CYP39A1: variants seen among roughly 807,000 people sequenced by gnomAD.
The protein encoded by CYP39A1 is cytochrome P450 family 39 subfamily A member 1, also known as 24-hydroxycholesterol 7-alpha-hydroxylase.
A neutral mutation model predicts 58.1 loss-of-function variants in CYP39A1; 49 were observed. The ratio of observed to expected loss-of-function variants is 0.84; its 90% CI spans 0.67 to 1.07. The LOEUF (loss-of-function observed/expected upper bound fraction) is 1.07. Among genes scored for constraint, CYP39A1 ranks in the 50% least tolerant of loss-of-function variants. The pLI is 0.00. For missense variants in CYP39A1, 531 were observed against 539.4 expected, an observed-to-expected ratio of 0.98 and a Z score of 0.16; for synonymous variants, 209 against 187.6, an observed-to-expected ratio of 1.11 and a Z score of -0.93.
chr6:46,586,767 A>C (rs1772492520), intron 10 of CYP39A1, among the ~76,000 whole-genome samples: 1 of 152,080 alleles, frequency 6.6e-6, no homozygotes, highest in South Asian at 2.1e-4. Flanking sequence ...GTTTTTAAAG[A>C]AGGTAGCACT....
intron 1 of CYP39A1, among the ~76,000 whole-genome samples, chr6:46,647,729 T>C (rs1403955567): frequency 1.3e-5 from 2 of 152,236 alleles, no homozygotes; most frequent in African/African-American, 4.8e-5. Flanking sequence ...ATGTTTCCAG[T>C]GATGATGAGC....
intron 10 of CYP39A1, among the ~76,000 whole-genome samples, chr6:46,565,227 G>GA (rs112211578): frequency 2.7e-4 from 41 of 150,558 alleles, no homozygotes; most frequent in Non-Finnish European, 4.3e-4. Flanking sequence ...GGAAAATGAT[G>GA]AAAAAAAAAT....
At chr6:46,576,739 A>C (rs1771868838) in intron 10 of CYP39A1, among the ~76,000 whole-genome samples, 1 of 152,228 alleles carries the variant, frequency 6.6e-6, no homozygotes, top group Non-Finnish European at 1.5e-5. Context: ...TTGAGGAAAG[A>C]ATCTCAGGGC....
chr6:46,578,553 GA>G (rs940146043), intron 10 of CYP39A1, among the ~76,000 whole-genome samples: 9 of 148,146 alleles, frequency 6.1e-5, no homozygotes, highest in African/African-American at 1.5e-4. Context: ...GATTAATAAA[GA>G]AAAAAAAAGA....
intron 8 of CYP39A1, among the ~76,000 whole-genome samples, chr6:46,590,137 T>C (rs1772741841): frequency 6.6e-6 from 1 of 152,176 alleles, no homozygotes; most frequent in Non-Finnish European, 1.5e-5. Context: ...TCCCTATCTT[T>C]ACTTACATGA....
intron 7 of CYP39A1, among the ~76,000 whole-genome samples, chr6:46,613,504 A>G (rs988125187): frequency 1.3e-5 from 2 of 152,230 alleles, no homozygotes; most frequent in Admixed American, 6.5e-5. Context: ...ATGCAGGTGC[A>G]TTTCTATTAA....
chr6:46,640,082 G>C (rs1776239267), intron 2 of CYP39A1, among the ~76,000 whole-genome samples: 1 of 152,118 alleles, frequency 6.6e-6, no homozygotes, highest in Admixed American at 6.5e-5. Context: ...CTGCACTCCA[G>C]CCTGGGTGAC....
chr6:46,586,301 A>G, intron 10 of CYP39A1: 7 of 982,554 alleles, frequency 7.1e-6, no homozygotes, highest in Non-Finnish European at 8.5e-6. Flanking sequence ...ATGGATTTCT[A>G]CATTTATTGA....
At chr6:46,649,622 C>G (rs188325910) in intron 1 of CYP39A1, among the ~76,000 whole-genome samples, 78 of 152,212 alleles carry the variant, frequency 5.1e-4, no homozygotes, top group African/African-American at 1.8e-3. Flanking sequence ...ACACATTTTG[C>G]TTATAAGGCG....
intron 7 of CYP39A1, among the ~76,000 whole-genome samples, chr6:46,621,276 G>A (rs1028607251): frequency 3.9e-5 from 6 of 151,990 alleles, no homozygotes; most frequent in African/African-American, 1.2e-4. Context: ...AAGAACTAAG[G>A]AAATCTTTTC....
intron 10 of CYP39A1, among the ~76,000 whole-genome samples, chr6:46,571,045 C>T (rs9381465): frequency 0.2 from 30,395 of 152,028 alleles, 3,148 homozygotes; most frequent in African/African-American, 0.21. Flanking sequence ...AGTTTTCCTC[C>T]TGTTATTGAT....
intron 1 of CYP39A1, 37 bp downstream of exon 1, chr6:46,652,369 G>A: frequency 6.4e-7 from 1 of 1,559,082 alleles, no homozygotes; most frequent in South Asian, 1.2e-5. Context: ...AGAAAGCATT[G>A]TCTCCTCTGG....
intron 10 of CYP39A1, among the ~76,000 whole-genome samples, chr6:46,555,030 TAC>T (rs938611734): frequency 6.9e-6 from 1 of 145,398 alleles, no homozygotes; most frequent in Admixed American, 7.0e-5. Flanking sequence ...ATCTCCTCAT[TAC>T]ACACACACGC....
intron 10 of CYP39A1, among the ~76,000 whole-genome samples, chr6:46,568,348 G>A (rs983940012): frequency 2.0e-5 from 3 of 152,010 alleles, no homozygotes; most frequent in African/African-American, 4.8e-5. Flanking sequence ...CATTCTGTGT[G>A]TTGCCTTTTT....
intron 2 of CYP39A1, 79 bp downstream of exon 2, chr6:46,642,084 G>A (rs1262580819): frequency 2.1e-6 from 3 of 1,402,986 alleles, no homozygotes; most frequent in African/African-American, 2.8e-5. Flanking sequence ...ATAGAGGAAT[G>A]AGGATGTAAT....
chr6:46,625,536 T>C, intron 6 of CYP39A1, 28 bp from the exon 7 acceptor site: 1 of 1,537,668 alleles, frequency 6.5e-7, no homozygotes, highest in African/African-American at 1.4e-5. Flanking sequence ...ATATCAAAAA[T>C]ATGAACTTCT....
At chr6:46,643,075 T>C (rs1420052551) in intron 1 of CYP39A1, among the ~76,000 whole-genome samples, 1 of 152,176 alleles carries the variant, frequency 6.6e-6, no homozygotes, top group Non-Finnish European at 1.5e-5. Context: ...AATTTTCCCC[T>C]CTTTATCAGA....
rs139943419 is a variant in CYP39A1 at position 46,615,050 on chromosome 6, A to T, written c.931+10368T>A. ...CAAAGTCTTGGGTTGGTAGATCTGA[A>T]TGGCAAAGTCTTATTTTCATGGTAA... On this transcript the variant is annotated intron_variant, in intron 7 of 11. Coordinates refer to ENST00000275016, the MANE Select transcript of CYP39A1 (RefSeq NM_016593.5). 2.1e-3 allele frequency among the ~76,000 whole-genome samples: 314 copies of T among 152,246 alleles called. 2 individuals carry two copies. Among genetic ancestry groups the T allele is most frequent in the African/African-American group, 7.4e-3 (308 of 41,528 alleles).
At position 46,637,839 on chromosome 6, in the gene CYP39A1, A is replaced by T. The variant is rs367672552; in HGVS notation, c.628T>A (p.Cys210Ser). 3.7e-5 allele frequency: 60 copies of T among 1,612,206 alleles called. No individual in the cohort carries two copies. The highest frequency in any genetic ancestry group is 1.2e-4 in the Admixed American group (7 of 59,634). ...GGAAACAACTGTTACCTTAGAAGACACTCTGGCAACTGGGACCCATACTCA... is the reference window on the plus strand; with the variant it reads ...GGAAACAACTGTTACCTTAGAAGACTCTCTGGCAACTGGGACCCATACTCA... Reference protein sequence around the residue: ...DFEYGSQLPECLLRNWSKSKK... With the variant: ...DFEYGSQLPESLLRNWSKSKK... The change falls in exon 4 of 12, where the codon TGT becomes AGT. Residue 210 changes from cysteine to serine, a missense_variant. By Grantham distance (112) the Cys-to-Ser change is moderately radical. Transcript: ENST00000275016.
Sources: allele counts gnomAD v4.1 joint callset (sites outside exome capture counted in the v4.1 genomes callset), GRCh38; gene constraint gnomAD v4.1.1; transcripts MANE v1.5; gene names NCBI Gene and HGNC (gene_info 2026-07-23, HGNC 2026-07-21).